The following CNTN5 variants were observed in gnomAD, a reference collection of about 807,000 sequenced individuals.
The protein encoded by CNTN5 is contactin 5.
A neutral mutation model predicts 129.1 loss-of-function variants in CNTN5; 77 were observed. That is an observed-to-expected ratio of 0.60 (90% CI 0.50 to 0.72). The LOEUF (loss-of-function observed/expected upper bound fraction) is 0.72. Among genes scored for constraint, CNTN5 ranks in the 30% least tolerant of loss-of-function variants. CNTN5 has a pLI of 0.00. For missense variants in CNTN5, 1,478 were observed against 1,328.8 expected (o/e 1.11, Z -1.75); for synonymous variants, 509 against 465.6 (o/e 1.09, Z -1.20).
At chr11:99,854,739 C>G (rs1010082460) in intron 6 of CNTN5, among the ~76,000 whole-genome samples, 1 of 152,114 alleles carries the variant, frequency 6.6e-6, no homozygotes, top group Non-Finnish European at 1.5e-5. Flanking sequence ...TTTGTTGGTG[C>G]TCAGGAAAGG....
intron 3 of CNTN5, among the ~76,000 whole-genome samples, chr11:99,762,982 T>C (rs1027485712): frequency 6.6e-6 from 1 of 152,260 alleles, no homozygotes; most frequent in African/African-American, 2.4e-5. Flanking sequence ...TAAACACATG[T>C]GACTTTGACA....
rs1052317145 is a variant in CNTN5 at position 99,304,300 on chromosome 11, G to T, written c.-209-21046G>T. On this transcript the variant is annotated intron_variant, in intron 1 of 24. Transcript: ENST00000524871. ...TTACCTTAAACAGTCTCATATTACA[G>T]AGTTACTTCTCATCTCCTATAGATC... 2.0e-5 allele frequency among the ~76,000 whole-genome samples: 3 copies of T among 151,994 alleles called. No homozygotes were observed. In the East Asian group the frequency reaches 5.8e-4, roughly 29 times the overall value.
intron 13 of CNTN5, among the ~76,000 whole-genome samples, chr11:100,185,504 G>C (rs923073488): frequency 1.3e-5 from 2 of 152,026 alleles, no homozygotes; most frequent in African/African-American, 4.8e-5. Flanking sequence ...TTATTTCCTG[G>C]CTTCCTACAA....
intron 2 of CNTN5, among the ~76,000 whole-genome samples, chr11:99,357,912 G>T (rs1337608273): frequency 1.3e-5 from 2 of 151,000 alleles, no homozygotes; most frequent in South Asian, 4.2e-4. Context: ...GCCGAGGCAG[G>T]AGAACTGCAT....
At chr11:99,242,055 G>T (rs1861587989) in intron 1 of CNTN5, among the ~76,000 whole-genome samples, 1 of 152,078 alleles carries the variant, frequency 6.6e-6, no homozygotes, top group Non-Finnish European at 1.5e-5. Context: ...GATGGTAAAT[G>T]CCATTTTATT....
intron 2 of CNTN5, among the ~76,000 whole-genome samples, chr11:99,432,439 C>CCTTTTCTTTTTT (rs1943413143): frequency 8.8e-6 from 1 of 113,214 alleles, no homozygotes. Flanking sequence ...CCTTTTCTTT[C>CCTTTTCTTTTTT]CTTTTCTTTT....
chr11:99,699,878 C>T (rs1430401019), intron 3 of CNTN5, among the ~76,000 whole-genome samples: 1 of 151,440 alleles, frequency 6.6e-6, no homozygotes, highest in Non-Finnish European at 1.5e-5. Flanking sequence ...GACCTCACAG[C>T]ATTTCACAAT....
intron 13 of CNTN5, among the ~76,000 whole-genome samples, chr11:100,173,284 G>A (rs1947874492): frequency 6.6e-6 from 1 of 152,032 alleles, no homozygotes; most frequent in African/African-American, 2.4e-5. Context: ...TAGCGTAGTG[G>A]GGGTTGCTAG....
Position 99,797,696 on chromosome 11 carries a change from T to A in CNTN5, c.56-21848T>A, listed in dbSNP as rs150728966. ...GATATTAGATCTTCATCAGGTGCAT[T>A]TTTTTGTGAGTATTTTCTCCCGTTC... is the stretch of plus-strand genomic sequence containing the variant. On this transcript the variant is annotated intron_variant, in intron 3 of 24. Coordinates refer to ENST00000524871, the MANE Select transcript of CNTN5 (RefSeq NM_014361.4). Among the ~76,000 whole-genome samples, 1,368 of 152,240 alleles carry A rather than the reference T, an allele frequency of 9.0e-3. 10 individuals carry two copies. The highest frequency in any genetic ancestry group is 0.014 in the South Asian group (68 of 4,820).
At chr11:99,801,795 T>C in intron 3 of CNTN5, among the ~76,000 whole-genome samples, 2 of 152,316 alleles carry the variant, frequency 1.3e-5, no homozygotes. Flanking sequence ...TTTTTAAAGA[T>C]GTTTATCTCT....
chr11:99,892,476 T>G (rs1356377686), intron 6 of CNTN5, among the ~76,000 whole-genome samples: 1 of 152,228 alleles, frequency 6.6e-6, no homozygotes, highest in Non-Finnish European at 1.5e-5. Context: ...CATTTAAGTC[T>G]TTAATCCATC....
At chr11:99,825,137 C>T (rs2135579683) in intron 4 of CNTN5, among the ~76,000 whole-genome samples, 1 of 152,026 alleles carries the variant, frequency 6.6e-6, no homozygotes, top group South Asian at 2.1e-4. Context: ...GTAAAAATTG[C>T]TTGTGTGCTT....
intron 3 of CNTN5, among the ~76,000 whole-genome samples, chr11:99,736,976 A>AC (rs150249151): frequency 0.025 from 3,803 of 152,250 alleles, 154 homozygotes; most frequent in African/African-American, 0.085. Context: ...AAGGAATTAA[A>AC]CAGCAGTGTT....
At chr11:100,292,166 G>A (rs182018873) in intron 18 of CNTN5, among the ~76,000 whole-genome samples, 4 of 151,948 alleles carry the variant, frequency 2.6e-5, no homozygotes, top group South Asian at 2.1e-4. Flanking sequence ...ACTTTCCAGC[G>A]GTGCTCTGGT....
chr11:100,303,620 T>TA (rs1240181876), intron 20 of CNTN5, among the ~76,000 whole-genome samples: 3 of 151,470 alleles, frequency 2.0e-5, no homozygotes, highest in East Asian at 1.9e-4. Context: ...GCCTTATCTG[T>TA]AAAAAAATGT....
At chr11:100,276,960 A>G (rs901315785) in intron 18 of CNTN5, among the ~76,000 whole-genome samples, 1 of 151,156 alleles carries the variant, frequency 6.6e-6, no homozygotes, top group African/African-American at 2.4e-5. Flanking sequence ...CTTCCCCCCA[A>G]CCCCCACTAC....
chr11:99,828,029 T>A (rs1325075696), intron 4 of CNTN5, among the ~76,000 whole-genome samples: 1 of 152,198 alleles, frequency 6.6e-6, no homozygotes, highest in Non-Finnish European at 1.5e-5. Flanking sequence ...GTTATTGTTT[T>A]AATCTCTAAA....
chr11:99,440,863 G>A (rs933939424), intron 2 of CNTN5, among the ~76,000 whole-genome samples: 1 of 152,200 alleles, frequency 6.6e-6, no homozygotes, highest in Non-Finnish European at 1.5e-5. Flanking sequence ...GCTGGGATAC[G>A]TAATTAGCTG....
intron 3 of CNTN5, among the ~76,000 whole-genome samples, chr11:99,600,598 C>T (rs190445440): frequency 2.0e-5 from 3 of 152,126 alleles, no homozygotes; most frequent in Non-Finnish European, 2.9e-5. Context: ...TGTTGGACTC[C>T]GGAGGATTGG....
Sources: gnomAD v4.1 joint callset for allele counts (sites outside exome capture counted in the v4.1 genomes callset) on GRCh38, gnomAD v4.1.1 for gene constraint, MANE v1.5 for transcripts, NCBI Gene and HGNC (gene_info 2026-07-23, HGNC 2026-07-21) for gene names.